ACKR3: variants seen among roughly 807,000 people sequenced by gnomAD.
ACKR3 encodes the protein C-X-C chemokine receptor type 7.
Under a neutral mutation model 22.4 loss-of-function variants are expected in ACKR3, and 6 were observed. The observed-to-expected ratio is 0.27, with a 90% CI of 0.15 to 0.53. ACKR3 has a LOEUF of 0.53. Ranked by LOEUF, ACKR3 falls within the 20% of genes least tolerant of loss-of-function variation. The probability of loss-of-function intolerance (pLI) is 0.96; values close to 1 mark genes in which losing one functional copy is unlikely to be tolerated. For missense variants in ACKR3, 396 were observed against 475.2 expected (o/e 0.83, Z 1.55); for synonymous variants, 209 against 205.2 (o/e 1.02, Z -0.16).
the ACKR3 span, among the ~76,000 whole-genome samples, chr2:236,558,055 A>C: frequency 3.3e-5 from 5 of 152,204 alleles, no homozygotes; most frequent in Non-Finnish European, 7.3e-5. Context: ...GATTCTGAGG[A>C]GTCTTTCTCT....
At chr2:236,539,011 G>T in the ACKR3 span, among the ~76,000 whole-genome samples, 2 of 152,192 alleles carry the variant, frequency 1.3e-5, no homozygotes, top group Non-Finnish European at 2.9e-5. Context: ...CATGTAGCTG[G>T]AATGATGCAG....
At chr2:236,566,931 T>TTGCC (rs144814142), upstream of ACKR3, among the ~76,000 whole-genome samples, 4 of 142,990 alleles carry the variant, frequency 2.8e-5, no homozygotes, top group South Asian at 2.2e-4. Flanking sequence ...CAAGGAGGAT[T>TTGCC]TGCCTGCCTG....
chr2:236,553,437 C>T, the ACKR3 span, among the ~76,000 whole-genome samples: 5 of 152,200 alleles, frequency 3.3e-5, no homozygotes, highest in South Asian at 1.0e-3. Context: ...AAAAACAGGA[C>T]ATGGAAAAGC....
At chr2:236,564,592 GTTTTTTTTT>G (rs532204731), upstream of ACKR3, among the ~76,000 whole-genome samples, 8 of 129,334 alleles carry the variant, frequency 6.2e-5, no homozygotes, top group South Asian at 2.5e-4. Context: ...TTCCTTCCTA[GTTTTTTTTT>G]TTTTTTTTTT....
At chr2:236,555,952 A>G in the ACKR3 span, among the ~76,000 whole-genome samples, 3,044 of 152,272 alleles carry the variant, frequency 0.02, 95 homozygotes, top group African/African-American at 0.07. Flanking sequence ...GTATTTAGAA[A>G]CTAAGATCTT....
At chr2:236,549,474 C>T in the ACKR3 span, among the ~76,000 whole-genome samples, 9 of 152,356 alleles carry the variant, frequency 5.9e-5, no homozygotes, top group Admixed American at 3.9e-4. This position sits in a 1 kb window ranked among gnomAD's most constrained non-coding sequence, Gnocchi z 5.3. Flanking sequence ...GCATGTCTGT[C>T]TCTCTGAAAG....
chr2:236,547,967 C>A, the ACKR3 span, among the ~76,000 whole-genome samples: 2 of 151,892 alleles, frequency 1.3e-5, no homozygotes, highest in African/African-American at 4.8e-5. Context: ...GAGCCACTTT[C>A]CCTGATTGTT....
chr2:236,576,416 G>A (rs1691413278), intron 1 of ACKR3, among the ~76,000 whole-genome samples: 1 of 152,192 alleles, frequency 6.6e-6, no homozygotes, highest in African/African-American at 2.4e-5. Context: ...TGCAGGGCCC[G>A]CTGGGGGTTC....
At chr2:236,558,562 A>G in the ACKR3 span, among the ~76,000 whole-genome samples, 1 of 152,182 alleles carries the variant, frequency 6.6e-6, no homozygotes. Context: ...GTTGATGCTA[A>G]CTTCCGGATT....
rs151190714 is a variant in ACKR3 at position 236,575,412 on chromosome 2, CTG to C, written c.-26-5012_-26-5011del. ...GTGTGTGCGTGTGTCTGGGGTTGTG[CTG>C]TGTGTGTGTGTGTGTCTGGGGTTGT... On this transcript the variant is annotated intron_variant, in intron 1 of 1. Coordinates refer to ENST00000272928, the MANE Select transcript of ACKR3 (RefSeq NM_020311.3). Among the ~76,000 whole-genome samples the C allele has an allele frequency of 6.6e-4, 83 of 125,120 alleles. 1 individual carries two copies. Among genetic ancestry groups the C allele is most frequent in the African/African-American group, 1.5e-3 (50 of 32,742 alleles). The allele number at this position is 125,120 out of a possible 152,430, so 82.1% of individuals were successfully genotyped here.
At position 236,574,685 on chromosome 2, in the gene ACKR3, C is replaced by T. The variant is rs964937543; in HGVS notation, c.-27+4761C>T. Reference sequence around the variant, plus strand: ...GCTCTAAACCTGAGTACCTGTAATTCCGGCTTCACCCTCAGCTTGCAGAGT... The same window carrying T: ...GCTCTAAACCTGAGTACCTGTAATTTCGGCTTCACCCTCAGCTTGCAGAGT... On this transcript the variant is annotated intron_variant, in intron 1 of 1. Coordinates refer to ENST00000272928, the MANE Select transcript of ACKR3 (RefSeq NM_020311.3). The surrounding 1 kb of genome is among the most constrained non-coding windows in gnomAD (Gnocchi z 5.6). Among the ~76,000 whole-genome samples, 1 of 152,160 alleles carries T rather than the reference C, an allele frequency of 6.6e-6. No individual in the cohort carries two copies. Among genetic ancestry groups the T allele is most frequent in the African/African-American group, 2.4e-5 (1 of 41,440 alleles).
At chr2:236,556,856 T>C in the ACKR3 span, among the ~76,000 whole-genome samples, 14 of 152,118 alleles carry the variant, frequency 9.2e-5, no homozygotes, top group Admixed American at 9.2e-4. Context: ...CCTGGCTAAT[T>C]TTTGTATTTT....
intron 1 of ACKR3, among the ~76,000 whole-genome samples, chr2:236,571,087 G>A (rs750742982): frequency 1.3e-5 from 2 of 152,144 alleles, no homozygotes; most frequent in African/African-American, 4.8e-5. Context: ...AGCTAGGCAC[G>A]CCTAGCAAAG....
upstream of ACKR3, among the ~76,000 whole-genome samples, chr2:236,568,491 T>A (rs1404739891): frequency 6.6e-6 from 1 of 152,192 alleles, no homozygotes; most frequent in Non-Finnish European, 1.5e-5. Flanking sequence ...TTGGTGCCGA[T>A]GTGACACGAA....
At chr2:236,566,396 G>A (rs1420710848), upstream of ACKR3, among the ~76,000 whole-genome samples, 1 of 152,192 alleles carries the variant, frequency 6.6e-6, no homozygotes, top group Non-Finnish European at 1.5e-5. Flanking sequence ...TTTTCTATTA[G>A]GTGCCACCAA....
chr2:236,578,655 G>A (rs748889764), intron 1 of ACKR3, among the ~76,000 whole-genome samples: 4 of 152,218 alleles, frequency 2.6e-5, no homozygotes, highest in Non-Finnish European at 5.9e-5. Flanking sequence ...GCTAAGTGGG[G>A]TTCACGCCAG....
At chr2:236,542,492 C>G in the ACKR3 span, among the ~76,000 whole-genome samples, 3 of 152,146 alleles carry the variant, frequency 2.0e-5, no homozygotes, top group African/African-American at 7.2e-5. Context: ...GACAGACTTG[C>G]CTGGGGACAC....
At chr2:236,548,656 C>T in the ACKR3 span, among the ~76,000 whole-genome samples, 148 of 152,292 alleles carry the variant, frequency 9.7e-4, no homozygotes, top group Non-Finnish European at 1.5e-3. This position sits in a 1 kb window ranked among gnomAD's most constrained non-coding sequence, Gnocchi z 4.3. Flanking sequence ...GTAAACCTTA[C>T]GGGCAAGAGT....
At chr2:236,541,528 T>C in the ACKR3 span, among the ~76,000 whole-genome samples, 45 of 152,204 alleles carry the variant, frequency 3.0e-4, 2 homozygotes, top group Non-Finnish European at 1.8e-4. Flanking sequence ...ACTTCTTATT[T>C]GGTACTTTAT....
Sources: allele counts gnomAD v4.1 joint callset (sites outside exome capture counted in the v4.1 genomes callset), GRCh38; gene constraint gnomAD v4.1.1; non-coding constraint Gnocchi (gnomAD v3.1); transcripts MANE v1.5; gene names NCBI Gene and HGNC (gene_info 2026-07-23, HGNC 2026-07-21).